Variants in PCSK5 observed in about 807,000 individuals in gnomAD.
PCSK5 encodes prohormone convertase 5.
PCSK5 carries 129 observed loss-of-function variants against 233.2 expected under a neutral mutation model. That is an observed-to-expected ratio of 0.55 (90% CI 0.48 to 0.64). The LOEUF is 0.64. Ranked by LOEUF, PCSK5 falls within the 30% of genes least tolerant of loss-of-function variation. The pLI is 0.00. For missense variants in PCSK5, 2,076 were observed against 2,430.1 expected (o/e 0.85, Z 3.06); for synonymous variants, 825 against 879.2 (o/e 0.94, Z 1.09).
intron 20 of PCSK5, among the ~76,000 whole-genome samples, chr9:76,218,363 A>G (rs1405643852): frequency 2.0e-5 from 3 of 152,164 alleles, no homozygotes; most frequent in African/African-American, 7.2e-5. Flanking sequence ...CTGGAGGGTC[A>G]TTAATTTTAG....
At chr9:76,285,523 A>C (rs1423483458) in intron 24 of PCSK5, among the ~76,000 whole-genome samples, 1 of 152,196 alleles carries the variant, frequency 6.6e-6, no homozygotes, top group Non-Finnish European at 1.5e-5. Context: ...GTAACAGGAC[A>C]CAGGACAGAT....
At chr9:76,178,953 G>A (rs1489884295) in intron 14 of PCSK5, among the ~76,000 whole-genome samples, 2 of 152,022 alleles carry the variant, frequency 1.3e-5, no homozygotes, top group African/African-American at 4.8e-5. Flanking sequence ...TTTCATCCCA[G>A]GTCTGGAATC....
At chr9:76,188,315 C>T (rs1456049046) in intron 17 of PCSK5, among the ~76,000 whole-genome samples, 1 of 152,260 alleles carries the variant, frequency 6.6e-6, no homozygotes, top group East Asian at 1.9e-4. Flanking sequence ...GTGTGCCCAT[C>T]AGTCTAACAA....
At chr9:76,179,500 GA>G (rs774912945) in intron 14 of PCSK5, 95 bp from the exon 15 acceptor site, 1,841 of 729,380 alleles carry the variant, frequency 2.5e-3, no homozygotes, top group Middle Eastern at 2.8e-3. Context: ...CTCTGCATAA[GA>G]AAAAAAAAAG....
chr9:76,275,113 C>G (rs1827648689), intron 24 of PCSK5, among the ~76,000 whole-genome samples: 1 of 152,030 alleles, frequency 6.6e-6, no homozygotes, highest in Non-Finnish European at 1.5e-5. Flanking sequence ...AAAATTTATC[C>G]TTTTTTTAAA....
At chr9:76,193,217 CTT>C (rs776232432) in intron 20 of PCSK5, 1 of 1,611,006 alleles carries the variant, frequency 6.2e-7, no homozygotes. Context: ...CCCCTTCTCT[CTT>C]GCTGACTTCT....
At chr9:75,953,247 T>A (rs1442510522) in intron 2 of PCSK5, among the ~76,000 whole-genome samples, 1 of 152,112 alleles carries the variant, frequency 6.6e-6, no homozygotes, top group African/African-American at 2.4e-5. Context: ...TAATCCACCC[T>A]TGTACTCCAA....
intron 22 of PCSK5, among the ~76,000 whole-genome samples, chr9:76,238,558 A>C (rs1467449030): frequency 6.6e-6 from 1 of 152,226 alleles, no homozygotes; most frequent in African/African-American, 2.4e-5. Context: ...ATCATTATGC[A>C]TGTGTTTATT....
chr9:76,246,363 A>G (rs955503522), intron 24 of PCSK5, among the ~76,000 whole-genome samples: 2 of 150,632 alleles, frequency 1.3e-5, no homozygotes, highest in African/African-American at 4.9e-5. Context: ...AAAAAAAAAA[A>G]AAAACTACCG....
upstream of PCSK5, among the ~76,000 whole-genome samples, chr9:75,889,816 T>C (rs559514719): frequency 9.5e-4 from 145 of 152,272 alleles, no homozygotes; most frequent in Non-Finnish European, 1.7e-3. Context: ...CAGTGCATGA[T>C]AGAGTAATGA....
At chr9:75,923,009 G>A (rs549600963) in intron 1 of PCSK5, among the ~76,000 whole-genome samples, 2 of 152,174 alleles carry the variant, frequency 1.3e-5, no homozygotes, top group Non-Finnish European at 2.9e-5. Context: ...CCTTATATTA[G>A]TGAGGGCGAG....
intron 6 of PCSK5, 53 bp downstream of exon 6, chr9:76,068,096 CTGACTGGCTTTCAGAA>C: frequency 7.9e-7 from 1 of 1,263,408 alleles, no homozygotes; most frequent in Non-Finnish European, 1.2e-6. Context: ...AGCTCTTTGG[CTGACTGGCTTTCAGAA>C]TCCTTTTTAA....
At chr9:75,960,395 A>T (rs1825296113) in intron 2 of PCSK5, among the ~76,000 whole-genome samples, 1 of 152,150 alleles carries the variant, frequency 6.6e-6, no homozygotes. Flanking sequence ...AGAAATCCAA[A>T]ACTCTGTGGG....
intron 5 of PCSK5, among the ~76,000 whole-genome samples, chr9:76,050,787 T>C (rs892658811): frequency 6.6e-6 from 1 of 152,180 alleles, no homozygotes; most frequent in African/African-American, 2.4e-5. Flanking sequence ...AGGAGGTAAT[T>C]ATTCTATCCT....
intron 24 of PCSK5, among the ~76,000 whole-genome samples, chr9:76,277,803 C>A (rs552451643): frequency 6.6e-6 from 1 of 152,182 alleles, no homozygotes; most frequent in South Asian, 2.1e-4. Context: ...AAGTGCAAGA[C>A]CTATTTGAAT....
intron 8 of PCSK5, among the ~76,000 whole-genome samples, chr9:76,106,352 G>T (rs1416549): frequency 0.69 from 105,185 of 152,094 alleles, 37,385 homozygotes; most frequent in African/African-American, 0.87. Flanking sequence ...AGAGCTATTA[G>T]AGTGGTTTCC....
intron 7 of PCSK5, among the ~76,000 whole-genome samples, chr9:76,093,080 C>CTTTTTTTTTTTTTT (rs71372045): frequency 1.2e-5 from 1 of 85,680 alleles, no homozygotes; most frequent in Non-Finnish European, 2.2e-5. Flanking sequence ...TTGTCTTTCC[C>CTTTTTTTTTTTTTT]TTTTTTTTTT....
intron 5 of PCSK5, among the ~76,000 whole-genome samples, chr9:76,065,210 G>C (rs892037446): frequency 6.6e-6 from 1 of 152,140 alleles, no homozygotes; most frequent in Non-Finnish European, 1.5e-5. Flanking sequence ...AGGTTTTACG[G>C]GACCCGCCAT....
intron 7 of PCSK5, among the ~76,000 whole-genome samples, chr9:76,075,897 G>A (rs10869688): frequency 0.35 from 53,058 of 152,022 alleles, 10,757 homozygotes; most frequent in African/African-American, 0.58. Context: ...TGAAAAAGAC[G>A]TCTGCATCTT....
Sources: allele counts gnomAD v4.1 joint callset (sites outside exome capture counted in the v4.1 genomes callset), GRCh38; gene constraint gnomAD v4.1.1; transcripts MANE v1.5; gene names NCBI Gene and HGNC (gene_info 2026-07-23, HGNC 2026-07-21).